Variants in TENT4B observed in about 807,000 individuals in gnomAD.
TENT4B encodes PAP associated domain containing 5.
In TENT4B, 10 loss-of-function variants were observed where a neutral mutation model predicts 75.0. That is an observed-to-expected ratio of 0.13 (90% CI 0.08 to 0.23). TENT4B has a LOEUF of 0.23. Ranked by LOEUF, TENT4B falls within the 10% of genes least tolerant of loss-of-function variation. TENT4B has a pLI of 1.00. For missense variants in TENT4B, 579 were observed against 893.8 expected, an observed-to-expected ratio of 0.65 and a Z score of 4.49; for synonymous variants, 350 against 357.7, an observed-to-expected ratio of 0.98 and a Z score of 0.24.
chr16:50,210,772 C>G (rs1006243882), intron 1 of TENT4B, among the ~76,000 whole-genome samples: 1 of 152,204 alleles, frequency 6.6e-6, no homozygotes, highest in African/African-American at 2.4e-5. Context: ...CTGCCACAGC[C>G]CTTGTAGCTG....
intron 1 of TENT4B, among the ~76,000 whole-genome samples, chr16:50,182,342 A>C (rs1316491639): frequency 1.3e-5 from 2 of 152,208 alleles, no homozygotes; most frequent in Admixed American, 1.3e-4. Flanking sequence ...TCAGTGTTAG[A>C]AACTATAGGT....
chr16:50,167,115 G>A (rs756659766), intron 1 of TENT4B, among the ~76,000 whole-genome samples: 7 of 152,114 alleles, frequency 4.6e-5, no homozygotes, highest in Admixed American at 6.5e-5. Context: ...ATTCTAGATC[G>A]GGGTGTCCAA....
intron 1 of TENT4B, among the ~76,000 whole-genome samples, chr16:50,183,015 G>A (rs1335504098): frequency 6.4e-5 from 9 of 139,554 alleles, no homozygotes; most frequent in South Asian, 4.7e-4. Context: ...CACCACACCC[G>A]GCTTTCTTGT....
intron 1 of TENT4B, among the ~76,000 whole-genome samples, chr16:50,204,824 A>G (rs753638863): frequency 6.0e-5 from 9 of 151,108 alleles, no homozygotes; most frequent in Non-Finnish European, 7.4e-5. Context: ...GCCAGACACT[A>G]GCAGAAACTC....
intron 1 of TENT4B, among the ~76,000 whole-genome samples, chr16:50,197,970 C>T (rs573933198): frequency 2.6e-5 from 4 of 152,106 alleles, no homozygotes; most frequent in South Asian, 2.1e-4. Context: ...ACATTAAATC[C>T]GTAACAAGAC....
chr16:50,208,817 C>A (rs2031123674), intron 1 of TENT4B, among the ~76,000 whole-genome samples: 1 of 152,062 alleles, frequency 6.6e-6, no homozygotes, highest in Non-Finnish European at 1.5e-5. Context: ...ACTGCAGCCT[C>A]CACCTCCCAA....
Position 50,235,052 on chromosome 16 carries a change from T to C in TENT4B, c.*5724T>C, listed in dbSNP as rs1001423045. On this transcript the variant is annotated 3_prime_UTR_variant, in exon 12 of 12. Transcript: ENST00000561678. ...CTAAGGAATTTACCAGAAAAAGATA[T>C]TTGATACAAGTGATTTAAGAAATCT... 8.1e-6 allele frequency: 8 copies of C among 985,044 alleles called. No homozygotes were observed. Among genetic ancestry groups the C allele is most frequent in the East Asian group, 1.1e-4 (1 of 8,826 alleles). The allele number at this position is 985,044 out of a possible 1,614,324, so 61.0% of individuals were successfully genotyped here. A position where few individuals can be genotyped will look rare whatever the true frequency, so the allele number is the denominator to read the frequency against.
chr16:50,166,651 A>G (rs1459999677), intron 1 of TENT4B, among the ~76,000 whole-genome samples: 1 of 152,048 alleles, frequency 6.6e-6, no homozygotes. Context: ...TCTGTCACCT[A>G]GGCTGGAGTG....
At chr16:50,184,624 G>A (rs960104146) in intron 1 of TENT4B, among the ~76,000 whole-genome samples, 10 of 152,024 alleles carry the variant, frequency 6.6e-5, no homozygotes, top group African/African-American at 1.7e-4. Flanking sequence ...CCGAGATGGC[G>A]CCACTGCACT....
intron 1 of TENT4B, among the ~76,000 whole-genome samples, chr16:50,173,080 C>T (rs968160375): frequency 2.0e-5 from 3 of 152,058 alleles, no homozygotes; most frequent in African/African-American, 4.8e-5. Flanking sequence ...GTAGCTTGGA[C>T]TACAGGCGCA....
At chr16:50,220,073 C>T (rs2031756022) in intron 5 of TENT4B, among the ~76,000 whole-genome samples, 1 of 151,864 alleles carries the variant, frequency 6.6e-6, no homozygotes, top group South Asian at 2.1e-4. Flanking sequence ...ACTGCAACCT[C>T]CGTCTCCCAG....
chr16:50,214,474 G>A (rs1243537325), intron 3 of TENT4B, among the ~76,000 whole-genome samples: 1 of 152,038 alleles, frequency 6.6e-6, no homozygotes, highest in Non-Finnish European at 1.5e-5. Context: ...TGGCCAACAT[G>A]GTAAAACCCC....
chr16:50,190,082 AAAAAAAAAAAAC>A (rs2038610736), intron 1 of TENT4B, among the ~76,000 whole-genome samples: 1 of 70,316 alleles, frequency 1.4e-5, no homozygotes. Context: ...TTTCAAAAAA[AAAAAAAAAAAAC>A]AAAGAAAAGA....
At chr16:50,183,609 A>G (rs2038467649) in intron 1 of TENT4B, among the ~76,000 whole-genome samples, 2 of 150,720 alleles carry the variant, frequency 1.3e-5, no homozygotes, top group Admixed American at 6.6e-5. Context: ...GTGAAGTAAT[A>G]GTGTACTTGG....
chr16:50,189,732 AC>A (rs1555509568), intron 1 of TENT4B, among the ~76,000 whole-genome samples: 1 of 142,174 alleles, frequency 7.0e-6, no homozygotes, highest in East Asian at 2.1e-4. Flanking sequence ...TCAAAAAATA[AC>A]CAGATAATTA....
chr16:50,232,248 T>G lies in TENT4B; in HGVS notation c.*2920T>G, dbSNP rs2032318999. 2 of 985,332 alleles carry G rather than the reference T, an allele frequency of 2.0e-6. No homozygotes were observed. The highest frequency in any genetic ancestry group is 2.4e-6 in the Non-Finnish European group (2 of 829,942). The allele number at this position is 985,332 out of a possible 1,614,324, so 61.0% of individuals were successfully genotyped here. Reference sequence around the variant, plus strand: ...AATGTCTTTGTTTGGTTTGGAGATGTCGCACTCAGTTTTCAAATCTAGCTT... The same window carrying G: ...AATGTCTTTGTTTGGTTTGGAGATGGCGCACTCAGTTTTCAAATCTAGCTT... On this transcript the variant is annotated 3_prime_UTR_variant, in exon 12 of 12. Transcript: ENST00000561678.
intron 1 of TENT4B, 101 bp downstream of exon 1, chr16:50,154,360 C>G (rs545034546): frequency 2.2e-6 from 3 of 1,339,516 alleles, no homozygotes; most frequent in Admixed American, 3.8e-5. Flanking sequence ...GCGGCCACCC[C>G]CACGGCCTGC....
chr16:50,203,316 A>T (rs1174488681), intron 1 of TENT4B, among the ~76,000 whole-genome samples: 1 of 152,188 alleles, frequency 6.6e-6, no homozygotes, highest in African/African-American at 2.4e-5. Flanking sequence ...TTTCTTGTCC[A>T]CAAATAGAGG....
intron 1 of TENT4B, among the ~76,000 whole-genome samples, chr16:50,166,780 A>ATTTTTTT (rs57856238): frequency 3.3e-3 from 374 of 114,592 alleles, no homozygotes; most frequent in Non-Finnish European, 4.7e-3. Flanking sequence ...TGCCTGGCTA[A>ATTTTTTT]TTTTTTTTTT....
Sources: gnomAD v4.1 joint callset for allele counts (sites outside exome capture counted in the v4.1 genomes callset) on GRCh38, gnomAD v4.1.1 for gene constraint, MANE v1.5 for transcripts, NCBI Gene and HGNC (gene_info 2026-07-23, HGNC 2026-07-21) for gene names.